SPRED2: variants seen among roughly 807,000 people sequenced by gnomAD.
The protein encoded by SPRED2 is sprouty-related, EVH1 domain-containing protein 2.
SPRED2 carries 47 observed loss-of-function variants against 43.0 expected under a neutral mutation model. That is an observed-to-expected ratio of 1.09 (90% CI 0.87 to 1.40). SPRED2 has a LOEUF of 1.40. Among genes scored for constraint, SPRED2 ranks in the 40% most tolerant of loss-of-function variants. The probability of loss-of-function intolerance (pLI) is 0.00; values close to 1 mark genes in which losing one functional copy is unlikely to be tolerated. For missense variants in SPRED2, 561 were observed against 586.4 expected (o/e 0.96, Z 0.45); for synonymous variants, 225 against 225.7 (o/e 1.00, Z 0.03).
Position 65,344,835 on chromosome 2 carries a change from A to G in SPRED2, c.88T>C (p.Trp30Arg), listed in dbSNP as rs1674299208. The part of the protein sequence containing the change: ...VMTRDDSSGG[W>R]FPQEGGGISR... Reference sequence around the variant, plus strand: ...ATCCCGCCTCCTTCCTGTGGGAACCATCCCCCGCTGGAGTCATCTCTGGTC... The same window carrying G: ...ATCCCGCCTCCTTCCTGTGGGAACCGTCCCCCGCTGGAGTCATCTCTGGTC... Residue 30 changes from tryptophan to arginine, a missense_variant, in exon 2 of 6, where the codon TGG becomes CGG. Around this residue, in one of 6 missense-constraint regions of SPRED2, gnomAD observed 305 missense variants for 282.4 expected, o/e 1.08. Transcript: ENST00000356388. 6.2e-7 allele frequency: 1 copy of G among 1,614,164 alleles called. No homozygotes were observed. Among genetic ancestry groups the G allele is most frequent in the Non-Finnish European group, 8.5e-7 (1 of 1,180,028 alleles).
rs138621319 is a variant in SPRED2, at chr2:65,359,745, C to T, written c.27-14849G>A. ...GAGATCCAGACCATCCTGCCTAACA[C>T]GGTGAAGCCCCGTCTCTACCAAAAA... On this transcript the variant is annotated intron_variant, in intron 1 of 5. Transcript: ENST00000356388. Among the ~76,000 whole-genome samples the T allele has an allele frequency of 2.8e-3, 419 of 152,176 alleles. 3 individuals are homozygous for T. Among genetic ancestry groups the T allele is most frequent in the African/African-American group, 9.2e-3 (383 of 41,494 alleles).
chr2:65,403,536 G>C (rs1675954088), intron 1 of SPRED2, among the ~76,000 whole-genome samples: 1 of 152,118 alleles, frequency 6.6e-6, no homozygotes, highest in Non-Finnish European at 1.5e-5. Flanking sequence ...TAAAATGCTG[G>C]GATTACATGC....
At chr2:65,384,612 C>T (rs1472103902) in intron 1 of SPRED2, among the ~76,000 whole-genome samples, 1 of 152,220 alleles carries the variant, frequency 6.6e-6, no homozygotes, top group African/African-American at 2.4e-5. Context: ...CCCTTCCCCA[C>T]ACCTCCCTTA....
rs1453000254 is a variant in SPRED2 at position 65,334,713 on chromosome 2, G to T, written c.265C>A (p.His89Asn). The change falls in exon 3 of 6, where the codon CAT becomes AAT. Residue 89 changes from histidine to asparagine, a missense_variant. This residue lies in a region of SPRED2 where 305 missense variants were observed against 282.4 expected (regional missense o/e 1.08). Transcript: ENST00000356388. Reference sequence around the variant, plus strand: ...TTCCTATTATCGACCTTCCAGTGATGAAACGTTGGATTGGCTTTGGTGTAG... The same window carrying T: ...TTCCTATTATCGACCTTCCAGTGATTAAACGTTGGATTGGCTTTGGTGTAG... ...LVYTKANPTF[H>N]HWKVDNRKFG... The T allele has an allele frequency of 1.2e-6, 2 of 1,614,220 alleles. No homozygotes were observed. Among genetic ancestry groups the T allele is most frequent in the Non-Finnish European group, 8.5e-7 (1 of 1,180,040 alleles).
At chr2:65,314,294 TGCTC>T in intron 5 of SPRED2, 125 bp from the exon 6 acceptor site, 1 of 891,710 alleles carries the variant, frequency 1.1e-6, no homozygotes, top group Non-Finnish European at 1.7e-6. Context: ...TCCATCACGA[TGCTC>T]CGTGAAGAAA....
intron 1 of SPRED2, among the ~76,000 whole-genome samples, chr2:65,426,874 G>C: frequency 6.6e-6 from 1 of 152,226 alleles, no homozygotes; most frequent in East Asian, 1.9e-4. Flanking sequence ...GCTTTAGTTA[G>C]AAAGGAGGTT....
intron 1 of SPRED2, among the ~76,000 whole-genome samples, chr2:65,361,430 C>A (rs1674811496): frequency 6.6e-6 from 1 of 152,188 alleles, no homozygotes; most frequent in African/African-American, 2.4e-5. Flanking sequence ...AATAGATTTT[C>A]CCTGAATTGT....
At position 65,344,154 on chromosome 2, in the gene SPRED2, A is replaced by C. The variant is rs956261916; in HGVS notation, c.204+565T>G. The C allele has an allele frequency of 3.6e-3, 568 of 158,386 alleles. 4 individuals are homozygous for C. The highest frequency in any genetic ancestry group is 0.011 in the African/African-American group (442 of 41,436). 9.8% of individuals were successfully genotyped at this position (158,386 alleles called of 1,614,324 possible). A position where few individuals can be genotyped will look rare whatever the true frequency, so the allele number is the denominator to read the frequency against. On this transcript the variant is annotated intron_variant, in intron 2 of 5. Coordinates refer to ENST00000356388, the MANE Select transcript of SPRED2 (RefSeq NM_181784.3). ...TCCGTCTCAAAAAAAAAAAAAAAAA[A>C]AAAAAACCCAAAAAAACCCACAAAG...
chr2:65,343,887 C>T (rs530143161), intron 2 of SPRED2, among the ~76,000 whole-genome samples: 1 of 152,228 alleles, frequency 6.6e-6, no homozygotes. Flanking sequence ...TGGCTCATGC[C>T]TGTAATCCCA....
chr2:65,403,203 G>A (rs755896250), intron 1 of SPRED2, among the ~76,000 whole-genome samples: 2 of 152,206 alleles, frequency 1.3e-5, no homozygotes, highest in Admixed American at 6.5e-5. Flanking sequence ...CTCCTAAGGA[G>A]ACAACTATTA....
chr2:65,399,886 G>T (rs1171173963), intron 1 of SPRED2, among the ~76,000 whole-genome samples: 2 of 152,076 alleles, frequency 1.3e-5, no homozygotes, highest in Non-Finnish European at 2.9e-5. Context: ...CTCAGGTGAT[G>T]GGTGTACCAA....
chr2:65,400,558 T>C (rs886409149), intron 1 of SPRED2, among the ~76,000 whole-genome samples: 6 of 152,122 alleles, frequency 3.9e-5, no homozygotes, highest in African/African-American at 1.4e-4. Context: ...ATGAGTAAGG[T>C]CTTTAGTGGT....
chr2:65,317,358 C>T (rs556758260), intron 4 of SPRED2, among the ~76,000 whole-genome samples: 2 of 152,198 alleles, frequency 1.3e-5, no homozygotes, highest in South Asian at 4.1e-4. Flanking sequence ...ACTAAAAATA[C>T]AAAAATTAGG....
chr2:65,413,861 TA>T (rs1157646741), intron 1 of SPRED2, among the ~76,000 whole-genome samples: 1 of 152,228 alleles, frequency 6.6e-6, no homozygotes, highest in African/African-American at 2.4e-5. Flanking sequence ...TGTGGTGACT[TA>T]AGTATTCCCA....
At chr2:65,344,352 A>T in intron 2 of SPRED2, 1 of 338,876 alleles carries the variant, frequency 3.0e-6, no homozygotes, top group Non-Finnish European at 5.8e-6. Flanking sequence ...CCATGAATAA[A>T]CTCTACATTT....
chr2:65,389,090 C>T (rs1041524974), intron 1 of SPRED2, among the ~76,000 whole-genome samples: 3 of 152,204 alleles, frequency 2.0e-5, no homozygotes, highest in African/African-American at 4.8e-5. Context: ...AGCCCTCTTT[C>T]CTCTGGAGGA....
chr2:65,429,467 TAATC>T (rs1311831353), intron 1 of SPRED2, among the ~76,000 whole-genome samples: 1 of 152,176 alleles, frequency 6.6e-6, no homozygotes, highest in Non-Finnish European at 1.5e-5. Flanking sequence ...ATGGCTACCT[TAATC>T]AAACAATAAT....
intron 1 of SPRED2, chr2:65,366,536 TAAG>T: frequency 6.5e-7 from 1 of 1,528,800 alleles, no homozygotes; most frequent in Non-Finnish European, 8.8e-7. Flanking sequence ...CCAGAAAGGT[TAAG>T]AATAAGAGAA....
intron 1 of SPRED2, among the ~76,000 whole-genome samples, chr2:65,355,111 A>G (rs1674612303): frequency 6.6e-6 from 1 of 152,172 alleles, no homozygotes; most frequent in Non-Finnish European, 1.5e-5. Flanking sequence ...TCTTTGCTCT[A>G]ATCCTTACTA....
Sources: allele counts gnomAD v4.1 joint callset (sites outside exome capture counted in the v4.1 genomes callset), GRCh38; gene constraint gnomAD v4.1.1; regional missense constraint gnomAD v4.1.1; transcripts MANE v1.5; gene names NCBI Gene and HGNC (gene_info 2026-07-23, HGNC 2026-07-21).